Variants in KYNU observed in about 807,000 individuals in gnomAD.
KYNU encodes kynureninase.
In KYNU, 54 loss-of-function variants were observed where a neutral mutation model predicts 59.2. The ratio of observed to expected loss-of-function variants is 0.91; its 90% confidence interval spans 0.73 to 1.14. KYNU has a LOEUF of 1.14. Ranked by LOEUF, KYNU falls within the 50% of genes most tolerant of loss-of-function variation. KYNU has a pLI of 0.00. For synonymous variants in KYNU, 177 were observed against 192.0 expected (o/e 0.92, Z 0.65); for missense variants, 567 against 554.4 (o/e 1.02, Z -0.23).
At chr2:142,947,261 G>T (rs1683820946) in intron 4 of KYNU, 2 of 1,542,664 alleles carry the variant, frequency 1.3e-6, no homozygotes, top group Admixed American at 3.9e-5. Flanking sequence ...AGATTTTCAA[G>T]TAGGAACCAG....
chr2:143,034,123 A>G (rs1457289784), intron 12 of KYNU, among the ~76,000 whole-genome samples: 1 of 151,410 alleles, frequency 6.6e-6, no homozygotes. Flanking sequence ...GTTATATAGT[A>G]TAAAATTCAT....
chr2:142,999,961 C>T (rs1222364608), intron 10 of KYNU, among the ~76,000 whole-genome samples: 1 of 151,984 alleles, frequency 6.6e-6, no homozygotes, highest in Non-Finnish European at 1.5e-5. Context: ...GAGGAGATAA[C>T]ATTTAGAATT....
intron 10 of KYNU, among the ~76,000 whole-genome samples, chr2:143,022,695 A>G (rs918180919): frequency 6.6e-6 from 1 of 151,942 alleles, no homozygotes; most frequent in Non-Finnish European, 1.5e-5. Context: ...ATTAAAATCT[A>G]TTAGTTTCCA....
intron 2 of KYNU, among the ~76,000 whole-genome samples, chr2:142,897,004 T>C (rs1681900810): frequency 6.6e-6 from 1 of 152,220 alleles, no homozygotes; most frequent in African/African-American, 2.4e-5. Context: ...CCATCAGTCT[T>C]AAAGACTTCT....
chr2:142,960,540 C>CTAATT, intron 7 of KYNU, 84 bp from the exon 8 acceptor site: 1 of 1,297,824 alleles, frequency 7.7e-7, no homozygotes, highest in Non-Finnish European at 1.1e-6. Context: ...TGCAAAAGGG[C>CTAATT]TCACGGTGAA....
chr2:143,043,769 AT>A lies in KYNU; in HGVS notation c.*1598del, dbSNP rs1247817664. On this transcript the variant is annotated 3_prime_UTR_variant, in exon 14 of 14. Coordinates refer to ENST00000264170, the MANE Select transcript of KYNU (RefSeq NM_003937.3). ...ATACTTTATATATATTTATATTTAT[AT>A]ATTTATATATTTATATTTTAATATA... 8 of 146,930 alleles carry A rather than the reference AT, an allele frequency of 5.4e-5. No individual in the cohort carries two copies. The highest frequency in any genetic ancestry group is 9.0e-5 in the Non-Finnish European group (6 of 66,870). The allele number at this position is 146,930 out of a possible 1,614,324, so 9.1% of individuals were successfully genotyped here.
intron 2 of KYNU, among the ~76,000 whole-genome samples, chr2:142,889,309 C>T (rs935746698): frequency 3.3e-5 from 5 of 151,966 alleles, no homozygotes; most frequent in African/African-American, 9.7e-5. Flanking sequence ...CAGACAGTGG[C>T]GGGGGGACTC....
intron 10 of KYNU, among the ~76,000 whole-genome samples, chr2:143,004,240 A>T (rs1463141333): frequency 2.6e-5 from 4 of 152,192 alleles, no homozygotes; most frequent in Non-Finnish European, 5.9e-5. Flanking sequence ...CTGTGCTAGA[A>T]ACTTCACACT....
intron 6 of KYNU, 151 bp from the exon 7 acceptor site, chr2:142,957,490 C>G: frequency 1.7e-6 from 1 of 586,470 alleles, no homozygotes; most frequent in South Asian, 2.1e-5. Context: ...TTAAGTGGTT[C>G]TTCTCTGTTG....
chr2:143,008,343 A>G (rs1290008904), intron 10 of KYNU, among the ~76,000 whole-genome samples: 1 of 113,128 alleles, frequency 8.8e-6, no homozygotes, highest in African/African-American at 4.0e-5. Flanking sequence ...GGATCAATTC[A>G]ACAAGAAGAG....
At chr2:142,879,231 A>G (rs1157841267) in intron 1 of KYNU, among the ~76,000 whole-genome samples, 1 of 152,200 alleles carries the variant, frequency 6.6e-6, no homozygotes, top group Non-Finnish European at 1.5e-5. Context: ...GCACTATGCT[A>G]TTCTGGGAAC....
chr2:142,928,550 C>T (rs1683111572), intron 4 of KYNU, among the ~76,000 whole-genome samples: 1 of 152,072 alleles, frequency 6.6e-6, no homozygotes, highest in Non-Finnish European at 1.5e-5. Flanking sequence ...GAGAGAAAAT[C>T]AACGTGGCTG....
rs1419826658 is a variant in KYNU, at chr2:142,892,613, G to T, written c.169+7077G>T. 3.9e-5 allele frequency among the ~76,000 whole-genome samples: 6 copies of T among 152,244 alleles called. No homozygotes were observed. The East Asian group carries it at 1.2e-3, about 29-fold the overall frequency. On this transcript the variant is annotated intron_variant, in intron 2 of 13. Coordinates refer to ENST00000264170, the MANE Select transcript of KYNU (RefSeq NM_003937.3). ...TAACAGTAAGTCTGAAGAAGTAAAT[G>T]TAATAGAAGTGGAGGTAAAGGAAAA...
chr2:142,910,131 CTT>C (rs368644903), intron 2 of KYNU, among the ~76,000 whole-genome samples: 2 of 105,478 alleles, frequency 1.9e-5, no homozygotes, highest in African/African-American at 3.7e-5. Context: ...TGTTCTTTGC[CTT>C]TTTTTTTTTT....
At position 142,954,520 on chromosome 2, in the gene KYNU, A is replaced by T. The variant is rs78013840; in HGVS notation, c.374-290A>T. Among the ~76,000 whole-genome samples the T allele has an allele frequency of 7.6e-3, 1,164 of 152,220 alleles. 12 individuals are homozygous for T. The highest frequency in any genetic ancestry group is 0.027 in the African/African-American group (1,123 of 41,576). ...GGAATTTGACAATTGAGCTGATAAT[A>T]GGATATATCATTTTTAGTTTACAGG... On this transcript the variant is annotated intron_variant, in intron 4 of 13. Transcript: ENST00000264170.
chr2:142,944,929 T>A (rs1683724978), intron 4 of KYNU, among the ~76,000 whole-genome samples: 1 of 152,244 alleles, frequency 6.6e-6, no homozygotes, highest in Admixed American at 6.5e-5. Context: ...TGTAGTCTAT[T>A]AAGTATGCAA....
chr2:143,010,173 G>A (rs1266889418), intron 10 of KYNU, among the ~76,000 whole-genome samples: 1 of 131,620 alleles, frequency 7.6e-6, no homozygotes, highest in African/African-American at 3.1e-5. Flanking sequence ...CATTGTCTCA[G>A]CCCAAAATCT....
intron 10 of KYNU, among the ~76,000 whole-genome samples, chr2:143,003,180 A>C (rs1558969542): frequency 6.6e-6 from 1 of 152,222 alleles, no homozygotes; most frequent in African/African-American, 2.4e-5. Context: ...TTGTTTTTCT[A>C]CACAATTTAA....
intron 2 of KYNU, among the ~76,000 whole-genome samples, chr2:142,893,837 C>G (rs1168126703): frequency 6.6e-6 from 1 of 152,032 alleles, no homozygotes. Flanking sequence ...GATATATTGG[C>G]CCCAATGTCT....
Sources: gnomAD v4.1 joint callset for allele counts (sites outside exome capture counted in the v4.1 genomes callset) on GRCh38, gnomAD v4.1.1 for gene constraint, MANE v1.5 for transcripts, NCBI Gene and HGNC (gene_info 2026-07-23, HGNC 2026-07-21) for gene names.